Variants in SORCS2 observed in about 807,000 individuals in gnomAD.
SORCS2 encodes the protein VPS10 domain-containing receptor SorCS2.
A neutral mutation model predicts 141.6 loss-of-function variants in SORCS2; 100 were observed. The observed-to-expected ratio is 0.71, with a 90% CI of 0.60 to 0.83. SORCS2 has a LOEUF of 0.83. Ranked by LOEUF, SORCS2 falls within the 40% of genes least tolerant of loss-of-function variation. The probability of loss-of-function intolerance (pLI) is 0.00; values close to 1 mark genes in which losing one functional copy is unlikely to be tolerated. For synonymous variants in SORCS2, 789 were observed against 676.9 expected, an observed-to-expected ratio of 1.17 and a Z score of -2.57; for missense variants, 1,646 against 1,560.2, an observed-to-expected ratio of 1.05 and a Z score of -0.93.
intron 5 of SORCS2, among the ~76,000 whole-genome samples, chr4:7,659,027 G>T (rs1268261412): frequency 6.6e-6 from 1 of 152,192 alleles, no homozygotes; most frequent in Non-Finnish European, 1.5e-5. Context: ...GTGGTAAATG[G>T]ATAAGCGGCT....
rs937154720 is a variant in SORCS2, at chr4:7,193,954, G to A, written c.480+828G>A. On this transcript the variant is annotated intron_variant, in intron 1 of 26. Transcript: ENST00000507866. This position sits in a 1 kb window ranked among gnomAD's most constrained non-coding sequence, Gnocchi z 4.8. Reference sequence around the variant, plus strand: ...CCTCTGGCCTTTGGTGGTGCATGCAGGAGGCAGAGGGTCCCTTTAGATTAT... The same window carrying A: ...CCTCTGGCCTTTGGTGGTGCATGCAAGAGGCAGAGGGTCCCTTTAGATTAT... Among the ~76,000 whole-genome samples, 3 of 152,180 alleles carry A rather than the reference G, an allele frequency of 2.0e-5. No homozygotes were observed. The highest frequency in any genetic ancestry group is 4.4e-5 in the Non-Finnish European group (3 of 68,020).
At chr4:7,715,137 T>C (rs770703473) in intron 16 of SORCS2, 46 bp from the exon 17 acceptor site, 45 of 1,605,418 alleles carry the variant, frequency 2.8e-5, no homozygotes, top group Non-Finnish European at 3.6e-5. Context: ...GTGACTCCGG[T>C]TCCCACCTGT....
rs577489658 is a variant in SORCS2 at position 7,451,025 on chromosome 4, GGAATGAGTGAGT to G, written c.548+54687_548+54698del. Among the ~76,000 whole-genome samples the G allele has an allele frequency of 5.8e-3, 874 of 151,650 alleles. 1 individual carries two copies. The highest frequency in any genetic ancestry group is 9.7e-3 in the Non-Finnish European group (658 of 67,892). ...GGGAGTGAATGAATGAGGAAGTGAG[GGAATGAGTGAGT>G]GAATGAGTGAGTGAATAAGTGAATG... On this transcript the variant is annotated intron_variant, in intron 2 of 26. Coordinates refer to ENST00000507866, the MANE Select transcript of SORCS2 (RefSeq NM_020777.3).
At chr4:7,592,140 A>G (rs959336122) in intron 3 of SORCS2, among the ~76,000 whole-genome samples, 6 of 152,192 alleles carry the variant, frequency 3.9e-5, no homozygotes, top group African/African-American at 9.7e-5. Flanking sequence ...CTCTCGACAA[A>G]GCCCCTTTCA....
In SORCS2 at chr4:7,740,917, CGTACT is replaced by C. The variant is rs1468080211; in HGVS notation, c.*654_*658del. Reference sequence around the variant, plus strand: ...CACCGGGGTGGCTCTGTCAGAGTTCCGTACTCGGGAGCCCCTTTCCCTGAGTGCCC... The same window carrying C: ...CACCGGGGTGGCTCTGTCAGAGTTCCCGGGAGCCCCTTTCCCTGAGTGCCC... On this transcript the variant is annotated 3_prime_UTR_variant, in exon 27 of 27. Transcript: ENST00000507866. 2.5e-6 allele frequency: 1 copy of C among 397,962 alleles called. No individual in the cohort carries two copies. The highest frequency in any genetic ancestry group is 4.4e-6 in the Non-Finnish European group (1 of 226,394). 24.7% of individuals were successfully genotyped at this position (397,962 alleles called of 1,614,324 possible). A position where few individuals can be genotyped will look rare whatever the true frequency, so the allele number is the denominator to read the frequency against.
intron 3 of SORCS2, among the ~76,000 whole-genome samples, chr4:7,558,509 A>T (rs1486215361): frequency 6.6e-6 from 1 of 152,198 alleles, no homozygotes; most frequent in Non-Finnish European, 1.5e-5. Context: ...ACAGGGGAAG[A>T]ACCTGGCTTG....
At chr4:7,267,994 G>A (rs575611811) in intron 1 of SORCS2, among the ~76,000 whole-genome samples, 12 of 152,344 alleles carry the variant, frequency 7.9e-5, no homozygotes, top group African/African-American at 1.9e-4. Context: ...AGCTGGAGCC[G>A]GAAGATGCAG....
At chr4:7,284,948 T>G (rs1478683417) in intron 1 of SORCS2, among the ~76,000 whole-genome samples, 2 of 152,110 alleles carry the variant, frequency 1.3e-5, no homozygotes, top group Non-Finnish European at 1.5e-5. Flanking sequence ...CCATATGGGC[T>G]TCTTTCTTGT....
chr4:7,727,031 AG>A, intron 21 of SORCS2, 128 bp downstream of exon 21: 1 of 730,160 alleles, frequency 1.4e-6, no homozygotes, highest in Non-Finnish European at 2.1e-6. Flanking sequence ...GTGGGGAGGG[AG>A]GGGCTGGATA....
chr4:7,259,669 T>G (rs1022478292), intron 1 of SORCS2, among the ~76,000 whole-genome samples: 18 of 152,214 alleles, frequency 1.2e-4, no homozygotes, highest in African/African-American at 4.1e-4. Context: ...ACCTTGGCTG[T>G]GCCCGAGGAG....
intron 1 of SORCS2, among the ~76,000 whole-genome samples, chr4:7,367,836 T>C (rs1479887621): frequency 1.3e-5 from 2 of 152,156 alleles, no homozygotes; most frequent in African/African-American, 4.8e-5. Context: ...AAAGAAGACT[T>C]TGGCAGAGGC....
At position 7,676,100 on chromosome 4, in the gene SORCS2, G is replaced by A; in HGVS notation, c.1212G>A (p.Gln404=). The change falls in exon 9 of 27, where the codon CAG becomes CAA. Residue 404 remains glutamine (Q), a synonymous_variant. Transcript: ENST00000507866. ...AGAGTCAGGTGTTCGTGGCGGTGCAGGAGTGGTACCAGATGGACACCTACA... is the reference window on the plus strand; with the variant it reads ...AGAGTCAGGTGTTCGTGGCGGTGCAAGAGTGGTACCAGATGGACACCTACA... The part of the protein sequence containing the change: ...TDESQVFVAV[Q]EWYQMDTYNL... 3 of 1,587,606 alleles carry A rather than the reference G, an allele frequency of 1.9e-6. No individual in the cohort carries two copies. Among genetic ancestry groups the A allele is most frequent in the Non-Finnish European group, 2.6e-6 (3 of 1,165,428 alleles).
chr4:7,654,024 A>C, intron 4 of SORCS2, 110 bp from the exon 5 acceptor site: 1 of 1,048,202 alleles, frequency 9.5e-7, no homozygotes, highest in Non-Finnish European at 1.4e-6. Flanking sequence ...CCGCTGGACA[A>C]GGATGACTTC....
At chr4:7,292,791 G>C (rs529381609) in intron 1 of SORCS2, among the ~76,000 whole-genome samples, 89 of 152,324 alleles carry the variant, frequency 5.8e-4, no homozygotes, top group African/African-American at 2.0e-3. Flanking sequence ...TGATGAAGAT[G>C]CTACGAGCAC....
At chr4:7,196,766 A>G (rs1727194899) in intron 1 of SORCS2, among the ~76,000 whole-genome samples, 1 of 152,138 alleles carries the variant, frequency 6.6e-6, no homozygotes, top group Non-Finnish European at 1.5e-5. Context: ...TCTGTTCTGC[A>G]ATCTTGATGA....
intron 1 of SORCS2, among the ~76,000 whole-genome samples, chr4:7,212,210 C>G (rs904911309): frequency 6.6e-6 from 1 of 152,172 alleles, no homozygotes; most frequent in African/African-American, 2.4e-5. Flanking sequence ...CAGACCCTGC[C>G]GGAATTGTAG....
intron 3 of SORCS2, among the ~76,000 whole-genome samples, chr4:7,558,315 G>T (rs1298470748): frequency 6.6e-6 from 1 of 152,156 alleles, no homozygotes; most frequent in Non-Finnish European, 1.5e-5. Context: ...TCGTAGGGTG[G>T]CCTTGGCCTT....
intron 1 of SORCS2, among the ~76,000 whole-genome samples, chr4:7,347,281 T>C (rs1389586594): frequency 2.0e-5 from 3 of 152,352 alleles, no homozygotes; most frequent in East Asian, 1.9e-4. Flanking sequence ...CATTGGCTCA[T>C]ATGTTGTTAT....
intron 2 of SORCS2, among the ~76,000 whole-genome samples, chr4:7,518,129 T>A (rs1733102392): frequency 6.6e-6 from 1 of 152,188 alleles, no homozygotes; most frequent in Non-Finnish European, 1.5e-5. Flanking sequence ...GCAGCTTCTT[T>A]TCTTCTTCTT....
Sources: allele counts gnomAD v4.1 joint callset (sites outside exome capture counted in the v4.1 genomes callset), GRCh38; gene constraint gnomAD v4.1.1; non-coding constraint Gnocchi (gnomAD v3.1); transcripts MANE v1.5; gene names NCBI Gene and HGNC (gene_info 2026-07-23, HGNC 2026-07-21).